Variants in IDO1 observed in about 807,000 individuals in gnomAD.
IDO1 encodes indoleamine 2,3-dioxygenase 1, also known as indolamine 2,3 dioxygenase.
A neutral mutation model predicts 38.8 loss-of-function variants in IDO1; 35 were observed. That is an observed-to-expected ratio of 0.90 (90% confidence interval 0.69 to 1.20). The LOEUF (loss-of-function observed/expected upper bound fraction) is 1.20, where lower values mean the gene tolerates loss of function less well. Among genes scored for constraint, IDO1 ranks in the 50% most tolerant of loss-of-function variants. The pLI is 0.00. For synonymous variants in IDO1, 171 were observed against 170.0 expected (o/e 1.01, Z -0.05); for missense variants, 509 against 485.1 (o/e 1.05, Z -0.46).
At chr8:39,919,955 T>C (rs745698230) in intron 4 of IDO1, 145 bp from the exon 5 acceptor site, 13 of 710,638 alleles carry the variant, frequency 1.8e-5, no homozygotes, top group Middle Eastern at 2.8e-4. Flanking sequence ...TGAAGAAACA[T>C]TTTAATAAGC....
Position 39,918,411 on chromosome 8 carries a change from A to C in IDO1, c.303+204A>C, listed in dbSNP as rs141550079. 1,089 of 564,180 alleles carry C rather than the reference A, an allele frequency of 1.9e-3. 5 individuals are homozygous for C. Among genetic ancestry groups the C allele is most frequent in the Admixed American group, 3.8e-3 (121 of 31,586 alleles). The allele number at this position is 564,180 out of a possible 1,614,324, so 34.9% of individuals were successfully genotyped here. A position where few individuals can be genotyped will look rare whatever the true frequency, so the allele number is the denominator to read the frequency against. On this transcript the variant is annotated intron_variant, in intron 3 of 9. Transcript: ENST00000518237. ...TTTTTAGTCTTTTACTTCATTTTTC[A>C]TCCTGTATTTTATCTGGCAACCCTA...
At position 39,917,855 on chromosome 8, in the gene IDO1, G is replaced by A; in HGVS notation, c.88-20G>A. The A allele has an allele frequency of 2.7e-6, 4 of 1,470,508 alleles. No homozygotes were observed. Among genetic ancestry groups the A allele is most frequent in the Non-Finnish European group, 3.8e-6 (4 of 1,056,814 alleles). The allele number at this position is 1,470,508 out of a possible 1,614,324, so 91.1% of individuals were successfully genotyped here. On this transcript the variant is annotated intron_variant, in intron 1 of 9. Coordinates refer to ENST00000518237, the MANE Select transcript of IDO1 (RefSeq NM_002164.6). Reference sequence around the variant, plus strand: ...ACAATAACTGCTACTACTAAATAAAGATCTTTTTTTTTTTTCAAGGAAAAT... The same window carrying A: ...ACAATAACTGCTACTACTAAATAAAAATCTTTTTTTTTTTTCAAGGAAAAT...
Position 39,913,968 on chromosome 8 carries a change from C to T in IDO1, c.46C>T (p.His16Tyr). 1 of 1,575,722 alleles carries T rather than the reference C, an allele frequency of 6.3e-7. No homozygotes were observed. Among genetic ancestry groups the T allele is most frequent in the Non-Finnish European group, 8.6e-7 (1 of 1,160,428 alleles). Residue 16 changes from histidine to tyrosine, a missense_variant, in exon 1 of 10, where the codon CAT (histidine) becomes TAT (tyrosine). By Grantham distance (83) the His-to-Tyr change is moderately conservative. Coordinates refer to ENST00000518237, the MANE Select transcript of IDO1 (RefSeq NM_002164.6). ...ENSWTISKEY[H>Y]IDEEVGFALP... ...CTCCTGGACAATCAGTAAAGAGTAC[C>T]ATATTGATGAAGAAGTGGGCTTTGC...
chr8:39,915,539 A>G (rs1447985078), intron 1 of IDO1: 1 of 152,194 alleles, frequency 6.6e-6, no homozygotes, highest in African/African-American at 2.4e-5. Context: ...ATTGTTAATT[A>G]AAGAAAATGA....
intron 9 of IDO1, 67 bp downstream of exon 9, chr8:39,925,438 A>C: frequency 7.0e-7 from 1 of 1,426,274 alleles, no homozygotes; most frequent in South Asian, 1.4e-5. Context: ...ATATCTACAA[A>C]GCACCTTCCC....
intron 4 of IDO1, 142 bp downstream of exon 4, chr8:39,919,075 G>A (rs772488736): frequency 6.6e-6 from 5 of 756,602 alleles, no homozygotes; most frequent in East Asian, 2.5e-5. Context: ...GGCTGGGTAC[G>A]GTTTCTTGGA....
Position 39,927,834 on chromosome 8 carries a change from T to G in IDO1, c.861T>G (p.His287Gln). 6.6e-7 allele frequency: 1 copy of G among 1,524,338 alleles called. No individual in the cohort carries two copies. Among genetic ancestry groups the G allele is most frequent in the Non-Finnish European group, 8.8e-7 (1 of 1,137,078 alleles). 94.4% of individuals were successfully genotyped at this position (1,524,338 alleles called of 1,614,324 possible). Residue 287 changes from histidine (H) to glutamine (Q), a missense_variant, in exon 10 of 10, where the codon CAT becomes CAG. Transcript: ENST00000518237. The part of the protein sequence containing the change: ...LGIQQTAGGG[H>Q]AAQFLQDMRR... ...CTCTTTCTCTTTTTCCTATAGGACA[T>G]GCTGCTCAGTTCCTCCAGGACATGA...
In IDO1 at chr8:39,918,936, A is replaced by T. The variant is rs1178044683; in HGVS notation, c.422+3A>T. ...TGGAAGAAAAAGGATCCTAATAAGT[A>T]TGTAAACAGTGATAACAACAGGAAT... On this transcript the variant is annotated splice_donor_region_variant and intron_variant, in intron 4 of 9. Transcript: ENST00000518237. 2 of 1,476,730 alleles carry T rather than the reference A, an allele frequency of 1.4e-6. No individual in the cohort carries two copies. Among genetic ancestry groups the T allele is most frequent in the African/African-American group, 1.4e-5 (1 of 72,178 alleles). The allele number at this position is 1,476,730 out of a possible 1,614,324, so 91.5% of individuals were successfully genotyped here.
intron 1 of IDO1, among the ~76,000 whole-genome samples, chr8:39,916,449 G>A (rs773163626): frequency 6.6e-6 from 1 of 152,150 alleles, no homozygotes; most frequent in Non-Finnish European, 1.5e-5. Flanking sequence ...CTGCACTCCA[G>A]CCTGGGTGAC....
chr8:39,923,490 G>C lies in IDO1; in HGVS notation c.559G>C (p.Ala187Pro). The C allele has an allele frequency of 6.2e-7, 1 of 1,604,058 alleles. No individual in the cohort carries two copies. Among genetic ancestry groups the C allele is most frequent in the Non-Finnish European group, 8.5e-7 (1 of 1,171,004 alleles). ...AIKVIPTVFK[A>P]MQMQERDTLL... ...TTAGGTAATTCCTACTGTATTCAAG[G>C]CAATGCAAATGCAAGAACGGGACAC... The change falls in exon 7 of 10, where the codon GCA becomes CCA. Residue 187 changes from alanine (A) to proline (P), a missense_variant. Coordinates refer to ENST00000518237, the MANE Select transcript of IDO1 (RefSeq NM_002164.6).
rs1347138232 is a variant in IDO1 at position 39,925,286 on chromosome 8, G to T, written c.771G>T (p.Lys257Asn). The change falls in exon 9 of 10, where the codon AAG becomes AAT. Residue 257 changes from lysine to asparagine, a missense_variant. Coordinates refer to ENST00000518237, the MANE Select transcript of IDO1 (RefSeq NM_002164.6). ...ATGAAGGGTTCTGGGAAGACCCAAAGGAGTTTGCAGGGGGCAGTGCAGGCC... is the reference window on the plus strand; with the variant it reads ...ATGAAGGGTTCTGGGAAGACCCAAATGAGTTTGCAGGGGGCAGTGCAGGCC... ...LVYEGFWEDP[K>N]EFAGGSAGQS... The T allele has an allele frequency of 6.2e-7, 1 of 1,613,450 alleles. No homozygotes were observed. The highest frequency in any genetic ancestry group is 1.1e-5 in the South Asian group (1 of 90,988).
intron 1 of IDO1, among the ~76,000 whole-genome samples, chr8:39,914,923 AC>A (rs1807151350): frequency 6.6e-6 from 1 of 151,808 alleles, no homozygotes; most frequent in African/African-American, 2.4e-5. Context: ...CTGCCACCAC[AC>A]CCAGCTACTT....
At chr8:39,927,583 A>C (rs1361408536) in intron 9 of IDO1, among the ~76,000 whole-genome samples, 2 of 151,922 alleles carry the variant, frequency 1.3e-5, no homozygotes, top group Non-Finnish European at 2.9e-5. Flanking sequence ...AAAAGCGCAA[A>C]CAAAAATACT....
In IDO1 at chr8:39,925,434, A is replaced by G. The variant is rs1807345510; in HGVS notation, c.856+63A>G. On this transcript the variant is annotated intron_variant, in intron 9 of 9. Coordinates refer to ENST00000518237, the MANE Select transcript of IDO1 (RefSeq NM_002164.6). ...TGAATACAATAGTATTTGGATATCT[A>G]CAAAGCACCTTCCCATCAGCATCTT... 2.1e-6 allele frequency: 3 copies of G among 1,439,822 alleles called. No individual in the cohort carries two copies. In the African/African-American group the frequency reaches 4.2e-5, roughly 20 times the overall value. The allele number at this position is 1,439,822 out of a possible 1,614,324, so 89.2% of individuals were successfully genotyped here.
At chr8:39,915,472 G>A (rs139685017) in intron 1 of IDO1, among the ~76,000 whole-genome samples, 3 of 152,192 alleles carry the variant, frequency 2.0e-5, no homozygotes, top group African/African-American at 7.2e-5. Flanking sequence ...TAAACAATTT[G>A]GTGATACTGG....
At chr8:39,917,321 C>G (rs1049147231) in intron 1 of IDO1, among the ~76,000 whole-genome samples, 5 of 151,856 alleles carry the variant, frequency 3.3e-5, no homozygotes, top group Non-Finnish European at 7.4e-5. Flanking sequence ...CATGGCAAAA[C>G]CCCATCTCTA....
chr8:39,925,603 G>A (rs1807347444), intron 9 of IDO1, among the ~76,000 whole-genome samples: 2 of 152,160 alleles, frequency 1.3e-5, no homozygotes, highest in South Asian at 4.1e-4. Context: ...GGCAGAGCTG[G>A]CCAGGTGCGG....
chr8:39,915,883 G>A (rs554359818), intron 1 of IDO1, among the ~76,000 whole-genome samples: 1 of 152,182 alleles, frequency 6.6e-6, no homozygotes, highest in Non-Finnish European at 1.5e-5. Context: ...AAAGATTCTC[G>A]GCTGGGGACG....
rs1807391864 is a variant in IDO1 at position 39,927,904 on chromosome 8, G to A, written c.931G>A (p.Glu311Lys). 1.2e-6 allele frequency: 2 copies of A among 1,606,618 alleles called. No individual in the cohort carries two copies. Among genetic ancestry groups the A allele is most frequent in the South Asian group, 1.1e-5 (1 of 89,586 alleles). Reference sequence around the variant, plus strand: ...TCACAGGAACTTCCTGTGCTCATTAGAGTCAAATCCCTCAGTCCGTGAGTT... The same window carrying A: ...TCACAGGAACTTCCTGTGCTCATTAAAGTCAAATCCCTCAGTCCGTGAGTT... ...PAHRNFLCSL[E>K]SNPSVREFVL... is the part of the protein sequence containing the mutation. Residue 311 changes from glutamate (E) to lysine (K), a missense_variant, in exon 10 of 10, where the codon GAG (glutamate) becomes AAG (lysine). Glu to Lys is a moderately conservative substitution (Grantham distance 56). Transcript: ENST00000518237.
Sources: allele counts gnomAD v4.1 joint callset (sites outside exome capture counted in the v4.1 genomes callset), GRCh38; gene constraint gnomAD v4.1.1; transcripts MANE v1.5; gene names NCBI Gene and HGNC (gene_info 2026-07-23, HGNC 2026-07-21).